CTNNA3: variants seen among roughly 807,000 people sequenced by gnomAD.
The protein encoded by CTNNA3 is catenin alpha-3.
In CTNNA3, 76 loss-of-function variants were observed where a neutral mutation model predicts 95.7. The ratio of observed to expected loss-of-function variants is 0.79; its 90% CI spans 0.66 to 0.96. The LOEUF (loss-of-function observed/expected upper bound fraction) is 0.96. Among genes scored for constraint, CTNNA3 ranks in the 40% least tolerant of loss-of-function variants. The pLI is 0.00. For synonymous variants in CTNNA3, 431 were observed against 374.4 expected, an observed-to-expected ratio of 1.15 and a Z score of -1.74; for missense variants, 1,191 against 1,089.8, an observed-to-expected ratio of 1.09 and a Z score of -1.31.
intron 7 of CTNNA3, among the ~76,000 whole-genome samples, chr10:67,117,319 A>G (rs989249173): frequency 1.3e-5 from 2 of 151,992 alleles, no homozygotes; most frequent in Admixed American, 6.6e-5. Context: ...TTCAAACCTC[A>G]TTCTTCACTT....
chr10:66,273,824 G>A (rs1172964905), intron 13 of CTNNA3, among the ~76,000 whole-genome samples: 1 of 151,906 alleles, frequency 6.6e-6, no homozygotes. Context: ...AAGAGTACCT[G>A]GATGAATGGC....
chr10:66,485,585 AT>A (rs1358905996), intron 11 of CTNNA3, among the ~76,000 whole-genome samples: 1 of 152,160 alleles, frequency 6.6e-6, no homozygotes, highest in African/African-American at 2.4e-5. Context: ...GATGAAATAA[AT>A]TGAAAAAGAC....
rs56160138 is a variant in CTNNA3 at position 66,633,477 on chromosome 10, A to G, written c.1282-11693T>C. 5.9e-3 allele frequency among the ~76,000 whole-genome samples: 900 copies of G among 152,138 alleles called. 12 individuals are homozygous for G. Among genetic ancestry groups the G allele is most frequent in the African/African-American group, 0.016 (655 of 41,520 alleles). ...GGGCAGATCACGAGGTCAGGAGATC[A>G]AGACCATCCTGGCTAACATGGTGAA... On this transcript the variant is annotated intron_variant, in intron 9 of 17. Coordinates refer to ENST00000433211, the MANE Select transcript of CTNNA3 (RefSeq NM_013266.4).
At chr10:67,262,019 A>G (rs1035147269) in intron 5 of CTNNA3, among the ~76,000 whole-genome samples, 5 of 152,188 alleles carry the variant, frequency 3.3e-5, no homozygotes, top group Admixed American at 6.6e-5. Context: ...ATAATACTCA[A>G]TACACTTTAA....
At chr10:66,341,840 G>A (rs2092455952) in intron 12 of CTNNA3, among the ~76,000 whole-genome samples, 1 of 151,736 alleles carries the variant, frequency 6.6e-6, no homozygotes, top group Non-Finnish European at 1.5e-5. Flanking sequence ...ATTATTCTTT[G>A]CGTATTAACC....
At chr10:67,594,268 G>A (rs1842869901) in intron 3 of CTNNA3, among the ~76,000 whole-genome samples, 1 of 151,978 alleles carries the variant, frequency 6.6e-6, no homozygotes, top group Non-Finnish European at 1.5e-5. Flanking sequence ...TGCTGACCTC[G>A]TAGAATCAGG....
intron 11 of CTNNA3, among the ~76,000 whole-genome samples, chr10:66,418,076 C>T (rs1372682926): frequency 1.4e-5 from 2 of 148,028 alleles, no homozygotes; most frequent in African/African-American, 5.0e-5. Flanking sequence ...AAATGTAACA[C>T]TAGTTTTTTG....
At chr10:66,698,798 A>G (rs937917561) in intron 9 of CTNNA3, among the ~76,000 whole-genome samples, 4 of 152,166 alleles carry the variant, frequency 2.6e-5, no homozygotes, top group East Asian at 3.9e-4. Context: ...ACATTAGCTA[A>G]AAAGAAAAAG....
intron 13 of CTNNA3, among the ~76,000 whole-genome samples, chr10:66,159,684 G>T (rs1296172926): frequency 6.7e-6 from 1 of 148,930 alleles, no homozygotes; most frequent in Non-Finnish European, 1.5e-5. Context: ...CATGATGCTG[G>T]CTTCATAGAA....
At chr10:67,100,377 TG>T (rs1320213162) in intron 7 of CTNNA3, among the ~76,000 whole-genome samples, 1 of 151,752 alleles carries the variant, frequency 6.6e-6, no homozygotes, top group Non-Finnish European at 1.5e-5. Flanking sequence ...AAATGCTGGA[TG>T]ATGATTATTA....
Position 66,428,848 on chromosome 10 carries a change from A to G in CTNNA3, c.1532-49496T>C, listed in dbSNP as rs2093268513. 2.0e-5 allele frequency among the ~76,000 whole-genome samples: 3 copies of G among 152,056 alleles called. 1 individual carries two copies. The South Asian group carries it at 6.2e-4, about 32-fold the overall frequency. On this transcript the variant is annotated intron_variant, in intron 11 of 17. Transcript: ENST00000433211. ...CTAACATCACAATTAAAAGAACTAG[A>G]AAAGCAAGAGCAAACACATTCAAAA...
At chr10:66,219,241 G>A (rs1276100155) in intron 13 of CTNNA3, among the ~76,000 whole-genome samples, 3 of 152,112 alleles carry the variant, frequency 2.0e-5, no homozygotes, top group African/African-American at 7.2e-5. Context: ...GTGGCGAGGG[G>A]CCTTGGGAAA....
intron 5 of CTNNA3, among the ~76,000 whole-genome samples, chr10:67,435,159 T>C (rs1343571732): frequency 6.6e-6 from 1 of 152,058 alleles, no homozygotes; most frequent in Non-Finnish European, 1.5e-5. Context: ...GGTTTCTTTT[T>C]CTATTAAGTT....
At chr10:67,705,594 C>T (rs965360791) in intron 1 of CTNNA3, among the ~76,000 whole-genome samples, 1 of 130,916 alleles carries the variant, frequency 7.6e-6, no homozygotes, top group Non-Finnish European at 1.5e-5. Context: ...CACATGGACA[C>T]AGGAGGGGGA....
At chr10:67,698,045 C>T (rs905416612), upstream of CTNNA3, among the ~76,000 whole-genome samples, 1 of 152,216 alleles carries the variant, frequency 6.6e-6, no homozygotes, top group African/African-American at 2.4e-5. Context: ...GTAAACTACA[C>T]AGCCCCTGCA....
chr10:67,195,467 G>A (rs4745932), intron 6 of CTNNA3, among the ~76,000 whole-genome samples: 54,343 of 140,110 alleles, frequency 0.39, 14,130 homozygotes, highest in African/African-American at 0.75. Flanking sequence ...TACCATACAG[G>A]ACTTTACTTA....
At chr10:67,656,770 A>C (rs1840036442) in intron 1 of CTNNA3, among the ~76,000 whole-genome samples, 1 of 152,114 alleles carries the variant, frequency 6.6e-6, no homozygotes, top group Non-Finnish European at 1.5e-5. Flanking sequence ...CAGAAGCCTA[A>C]GGCAGAAAAG....
chr10:66,897,760 CA>C (rs1225633760), intron 7 of CTNNA3, among the ~76,000 whole-genome samples: 1 of 151,980 alleles, frequency 6.6e-6, no homozygotes, highest in Non-Finnish European at 1.5e-5. Context: ...AAATTGAAAA[CA>C]AAAACCTATA....
intron 7 of CTNNA3, among the ~76,000 whole-genome samples, chr10:67,094,810 T>A (rs1857871173): frequency 6.6e-6 from 1 of 151,698 alleles, no homozygotes; most frequent in African/African-American, 2.4e-5. Context: ...ATTTGAAAAA[T>A]TTATGAGTAA....
Sources: allele counts gnomAD v4.1 joint callset (sites outside exome capture counted in the v4.1 genomes callset), GRCh38; gene constraint gnomAD v4.1.1; transcripts MANE v1.5; gene names NCBI Gene and HGNC (gene_info 2026-07-23, HGNC 2026-07-21).